Variants in EIPR1 observed in about 807,000 individuals in gnomAD.
EIPR1 encodes EARP and GARP complex-interacting protein 1.
EIPR1 carries 25 observed loss-of-function variants against 48.1 expected under a neutral mutation model. The ratio of observed to expected loss-of-function variants is 0.52; its 90% CI spans 0.38 to 0.73. The LOEUF is 0.73. Ranked by LOEUF, EIPR1 falls within the 30% of genes least tolerant of loss-of-function variation. The pLI is 0.00. For synonymous variants in EIPR1, 204 were observed against 201.9 expected (o/e 1.01, Z -0.09); for missense variants, 415 against 506.2 (o/e 0.82, Z 1.73).
intron 4 of EIPR1, among the ~76,000 whole-genome samples, chr2:3,241,652 G>C (rs114323642): frequency 4.6e-4 from 70 of 152,290 alleles, no homozygotes; most frequent in Non-Finnish European, 8.2e-4. Flanking sequence ...ATATGAACAA[G>C]TCAGGAACTA....
At chr2:3,365,974 G>GC (rs773358899) in intron 1 of EIPR1, among the ~76,000 whole-genome samples, 1 of 42,734 alleles carries the variant, frequency 2.3e-5, no homozygotes, top group African/African-American at 5.2e-5. Flanking sequence ...GGGGGGGTCA[G>GC]CCCCCCGCCC....
chr2:3,226,619 C>T (rs534977131), intron 4 of EIPR1, among the ~76,000 whole-genome samples: 87 of 152,224 alleles, frequency 5.7e-4, no homozygotes, highest in African/African-American at 1.8e-3. Flanking sequence ...ATCTGATGCA[C>T]TCTCATTTGT....
chr2:3,348,165 C>T (rs990087131), intron 2 of EIPR1, among the ~76,000 whole-genome samples: 3 of 152,274 alleles, frequency 2.0e-5, no homozygotes, highest in South Asian at 2.1e-4. Flanking sequence ...TGCAGAACCG[C>T]GCAGCTTAGC....
intron 3 of EIPR1, among the ~76,000 whole-genome samples, chr2:3,284,189 G>A (rs1239869604): frequency 3.2e-4 from 47 of 144,786 alleles, no homozygotes; most frequent in African/African-American, 9.2e-4. Flanking sequence ...ACGGCTGCAC[G>A]TAAGCTGGGC....
intron 2 of EIPR1, among the ~76,000 whole-genome samples, chr2:3,350,136 A>G (rs1274740454): frequency 6.6e-6 from 1 of 151,286 alleles, no homozygotes; most frequent in East Asian, 1.9e-4. Flanking sequence ...AAAAAAAAAA[A>G]AAAAAAAACT....
chr2:3,213,603 C>G (rs1665529350), intron 5 of EIPR1, among the ~76,000 whole-genome samples: 1 of 152,188 alleles, frequency 6.6e-6, no homozygotes, highest in Non-Finnish European at 1.5e-5. Flanking sequence ...GTAGAAAATA[C>G]TCCTGGGCAT....
rs190747893 is a variant in EIPR1 at position 3,259,819 on chromosome 2, G to A, written c.260-2364C>T. Reference sequence around the variant, plus strand: ...TTTACTACAAAAATAACACTCAAGAGTGGAGAAAGGATGGTCTTTTCAATA... The same window carrying A: ...TTTACTACAAAAATAACACTCAAGAATGGAGAAAGGATGGTCTTTTCAATA... On this transcript the variant is annotated intron_variant, in intron 3 of 8. Transcript: ENST00000382125. 3.0e-3 allele frequency among the ~76,000 whole-genome samples: 454 copies of A among 152,338 alleles called. 4 individuals carry two copies. The highest frequency in any genetic ancestry group is 0.017 in the Middle Eastern group (5 of 294).
At chr2:3,304,570 G>A (rs74537794) in intron 3 of EIPR1, among the ~76,000 whole-genome samples, 136 of 5,826 alleles carry the variant, frequency 0.023, 64 homozygotes, top group East Asian at 0.042. Context: ...CTCCCGTCCT[G>A]TTCAGCCCTC....
At chr2:3,204,453 TTTGGTTTC>T (rs1162729109) in intron 5 of EIPR1, among the ~76,000 whole-genome samples, 1 of 152,178 alleles carries the variant, frequency 6.6e-6, no homozygotes, top group African/African-American at 2.4e-5. Context: ...AATCACAATT[TTTGGTTTC>T]CTGGGGACAT....
intron 3 of EIPR1, among the ~76,000 whole-genome samples, chr2:3,284,216 G>A (rs535249270): frequency 2.1e-5 from 3 of 144,260 alleles, no homozygotes; most frequent in Admixed American, 6.8e-5. Context: ...AGATGGGGCC[G>A]GAGGCCGCCC....
chr2:3,334,162 A>G (rs1447627433), intron 3 of EIPR1, among the ~76,000 whole-genome samples: 3 of 152,204 alleles, frequency 2.0e-5, no homozygotes, highest in Admixed American at 6.5e-5. Flanking sequence ...GAAACGCCGC[A>G]AGATGCCTCC....
chr2:3,365,808 G>A (rs1194446262), intron 1 of EIPR1, among the ~76,000 whole-genome samples: 1 of 151,502 alleles, frequency 6.6e-6, no homozygotes, highest in Non-Finnish European at 1.5e-5. Context: ...TGGGGGTAAG[G>A]TCACAGATCA....
chr2:3,364,408 T>C (rs1393613924), intron 1 of EIPR1, among the ~76,000 whole-genome samples: 3 of 152,124 alleles, frequency 2.0e-5, no homozygotes, highest in South Asian at 2.1e-4. Context: ...GGCAGGAGGA[T>C]TGCTTGAGCT....
In EIPR1 at chr2:3,286,882, C is replaced by T. The variant is rs1314136153; in HGVS notation, c.260-29427G>A. On this transcript the variant is annotated intron_variant, in intron 3 of 8. Transcript: ENST00000382125. The surrounding 1 kb of genome is among the most constrained non-coding windows in gnomAD (Gnocchi z 4.2). ...CTGTGGGGAGCACACAGAGTGCCAG[C>T]CAGCAGAGGGGGCGGTGGGGAGCAC... is the stretch of plus-strand genomic sequence containing the variant. Among the ~76,000 whole-genome samples, 1 of 151,342 alleles carries T rather than the reference C, an allele frequency of 6.6e-6. No individual in the cohort carries two copies. The highest frequency in any genetic ancestry group is 1.9e-4 in the East Asian group (1 of 5,134).
intron 4 of EIPR1, among the ~76,000 whole-genome samples, chr2:3,238,859 A>C (rs1666501364): frequency 6.6e-6 from 1 of 152,180 alleles, no homozygotes; most frequent in South Asian, 2.1e-4. Flanking sequence ...CCGGCTCCTT[A>C]CATTCACCGT....
chr2:3,202,956 G>C (rs753490078), intron 5 of EIPR1, among the ~76,000 whole-genome samples: 43 of 152,356 alleles, frequency 2.8e-4, no homozygotes, highest in Non-Finnish European at 5.3e-4. Flanking sequence ...CATGACAGCA[G>C]ATGTGGTTTT....
chr2:3,240,443 A>C (rs1360714715), intron 4 of EIPR1, among the ~76,000 whole-genome samples: 3 of 149,626 alleles, frequency 2.0e-5, no homozygotes, highest in East Asian at 2.0e-4. Flanking sequence ...GATCCTTCCT[A>C]AAGCAAAGCA....
At chr2:3,309,432 C>A (rs1300755251) in intron 3 of EIPR1, among the ~76,000 whole-genome samples, 1 of 152,092 alleles carries the variant, frequency 6.6e-6, no homozygotes, top group Non-Finnish European at 1.5e-5. Context: ...AGAAACAGAA[C>A]GATGAGAAAC....
chr2:3,295,578 C>T (rs1207770876), intron 3 of EIPR1, among the ~76,000 whole-genome samples: 3 of 136,386 alleles, frequency 2.2e-5, no homozygotes, highest in African/African-American at 2.8e-5. Context: ...CACACACACC[C>T]TCCATCCAGC....
Sources: allele counts gnomAD v4.1 joint callset (sites outside exome capture counted in the v4.1 genomes callset), GRCh38; gene constraint gnomAD v4.1.1; non-coding constraint Gnocchi (gnomAD v3.1); transcripts MANE v1.5; gene names NCBI Gene and HGNC (gene_info 2026-07-23, HGNC 2026-07-21).